The following MPPED2 variants were observed in gnomAD, a reference collection of about 807,000 sequenced individuals.
MPPED2 encodes the protein metallophosphoesterase domain containing 2, also known as metallophosphoesterase MPPED2.
MPPED2 carries 5 observed loss-of-function variants against 33.0 expected under a neutral mutation model. The observed-to-expected ratio is 0.15, with a 90% CI of 0.08 to 0.32. The LOEUF is 0.32. MPPED2 is among the 10% of genes least tolerant of loss of function. MPPED2 has a pLI of 1.00. For missense variants in MPPED2, 275 were observed against 372.1 expected, an observed-to-expected ratio of 0.74 and a Z score of 2.15; for synonymous variants, 136 against 141.9, an observed-to-expected ratio of 0.96 and a Z score of 0.29.
chr11:30,549,814 T>C (rs1223134527), intron 2 of MPPED2, among the ~76,000 whole-genome samples: 1 of 152,182 alleles, frequency 6.6e-6, no homozygotes, highest in Non-Finnish European at 1.5e-5. Context: ...CGATAAAGGC[T>C]GAAGTGAGTG....
chr11:30,512,076 G>A (rs570863719), intron 3 of MPPED2, among the ~76,000 whole-genome samples: 3 of 152,218 alleles, frequency 2.0e-5, no homozygotes, highest in South Asian at 2.1e-4. Flanking sequence ...GTTGAGATGC[G>A]CCACAACACA....
intron 4 of MPPED2, among the ~76,000 whole-genome samples, chr11:30,482,531 T>C (rs749886469): frequency 1.3e-5 from 2 of 152,226 alleles, no homozygotes; most frequent in Non-Finnish European, 2.9e-5. Flanking sequence ...GCATGATTTC[T>C]ATTTTTGATG....
chr11:30,467,806 A>G (rs1301752337), intron 4 of MPPED2, among the ~76,000 whole-genome samples: 1 of 152,216 alleles, frequency 6.6e-6, no homozygotes, highest in Non-Finnish European at 1.5e-5. Flanking sequence ...TTGCTGGTGC[A>G]GAGTTATTGC....
At chr11:30,388,685 C>T (rs144683160) in exon 7 of MPPED2, 2 of 516,342 alleles carry the variant, frequency 3.9e-6, no homozygotes, top group East Asian at 7.3e-5. Flanking sequence ...CCAGCAGAGC[C>T]CTCCTCCGCA....
At chr11:30,526,586 T>C (rs1224386946) in intron 3 of MPPED2, among the ~76,000 whole-genome samples, 1 of 152,084 alleles carries the variant, frequency 6.6e-6, no homozygotes, top group Non-Finnish European at 1.5e-5. Flanking sequence ...CCTTTGTAAA[T>C]CATAGGAAGA....
At position 30,565,427 on chromosome 11, in the gene MPPED2, A is replaced by C. The variant is rs147768034; in HGVS notation, c.128+14819T>G. Among the ~76,000 whole-genome samples the C allele has an allele frequency of 3.9e-3, 595 of 152,190 alleles. 2 individuals are homozygous for C. Among genetic ancestry groups the C allele is most frequent in the African/African-American group, 0.012 (484 of 41,530 alleles). ...CTGACTCCTCAATTACTAAACCATA[A>C]TTTACCTAAACAATGTCACTGCCAG... On this transcript the variant is annotated intron_variant, in intron 2 of 6. Transcript: ENST00000358117.
intron 3 of MPPED2, among the ~76,000 whole-genome samples, chr11:30,532,371 T>A (rs193190486): frequency 6.6e-6 from 1 of 152,220 alleles, no homozygotes; most frequent in Non-Finnish European, 1.5e-5. Context: ...GTCACTGTTA[T>A]AAGGGAGGCT....
chr11:30,501,678 T>C, intron 3 of MPPED2: 2 of 922,076 alleles, frequency 2.2e-6, no homozygotes. Context: ...CAGAATTTCT[T>C]CTTAGAATCA....
chr11:30,407,800 G>A (rs1351493808), downstream of MPPED2, among the ~76,000 whole-genome samples: 1 of 152,224 alleles, frequency 6.6e-6, no homozygotes, highest in East Asian at 1.9e-4. Context: ...GAGCCCAGAA[G>A]GCGGAGGTTG....
chr11:30,451,839 G>A, intron 4 of MPPED2: 1 of 985,326 alleles, frequency 1.0e-6, no homozygotes, highest in South Asian at 4.7e-5. Flanking sequence ...GCTGCGGTGG[G>A]AAGTCAGCTG....
chr11:30,417,506 T>C lies in MPPED2; in HGVS notation c.652+12A>G, dbSNP rs764338218. 2 of 1,519,524 alleles carry C rather than the reference T, an allele frequency of 1.3e-6. No homozygotes were observed. Among genetic ancestry groups the C allele is most frequent in the Non-Finnish European group, 1.8e-6 (2 of 1,094,428 alleles). 94.1% of individuals were successfully genotyped at this position (1,519,524 alleles called of 1,614,324 possible). On this transcript the variant is annotated intron_variant, in intron 5 of 6. Coordinates refer to ENST00000358117, the MANE Select transcript of MPPED2 (RefSeq NM_001584.3). ...CATCTGGATGACAAAGGACAACCTT[T>C]GCTTCACTTACCTAGAGGAGGTCCA...
intron 4 of MPPED2, among the ~76,000 whole-genome samples, chr11:30,488,325 T>A (rs1315355804): frequency 3.3e-5 from 5 of 152,244 alleles, no homozygotes; most frequent in Non-Finnish European, 7.3e-5. Flanking sequence ...GTTTGCCAAA[T>A]GGCTCTCTCA....
intron 4 of MPPED2, among the ~76,000 whole-genome samples, chr11:30,427,315 T>C (rs1048335284): frequency 1.3e-5 from 2 of 152,250 alleles, no homozygotes; most frequent in African/African-American, 4.8e-5. Flanking sequence ...TTTGATTTCA[T>C]TTACAATGAG....
At chr11:30,510,745 G>A (rs896782786) in intron 3 of MPPED2, among the ~76,000 whole-genome samples, 4 of 152,126 alleles carry the variant, frequency 2.6e-5, no homozygotes, top group Admixed American at 6.6e-5. Flanking sequence ...ACTTTGGAGC[G>A]TTCTGACCGG....
intron 4 of MPPED2, among the ~76,000 whole-genome samples, chr11:30,442,690 C>T (rs981205069): frequency 1.1e-4 from 17 of 152,132 alleles, no homozygotes; most frequent in African/African-American, 4.1e-4. Flanking sequence ...AACTAGGTAT[C>T]AGTTGGGGCT....
chr11:30,442,339 C>CT (rs1354769937), intron 4 of MPPED2, among the ~76,000 whole-genome samples: 2 of 152,128 alleles, frequency 1.3e-5, no homozygotes, highest in Non-Finnish European at 2.9e-5. Flanking sequence ...AGACATGTCT[C>CT]TAATAGGAAA....
chr11:30,450,940 G>A (rs1950032385), intron 4 of MPPED2, among the ~76,000 whole-genome samples: 1 of 152,258 alleles, frequency 6.6e-6, no homozygotes, highest in South Asian at 2.1e-4. Context: ...TGGCTTCCCA[G>A]TATTATTTAA....
At chr11:30,470,486 T>G (rs1950902202) in intron 4 of MPPED2, among the ~76,000 whole-genome samples, 2 of 152,148 alleles carry the variant, frequency 1.3e-5, no homozygotes, top group African/African-American at 4.8e-5. Context: ...AGTTATGAAG[T>G]TTCTTTTTTA....
intron 5 of MPPED2, among the ~76,000 whole-genome samples, chr11:30,414,889 C>T (rs957391528): frequency 3.3e-5 from 5 of 152,164 alleles, no homozygotes; most frequent in African/African-American, 9.6e-5. Flanking sequence ...TCTCCAGCGA[C>T]AGGCAAAAAT....
Sources: allele counts gnomAD v4.1 joint callset (sites outside exome capture counted in the v4.1 genomes callset), GRCh38; gene constraint gnomAD v4.1.1; transcripts MANE v1.5; gene names NCBI Gene and HGNC (gene_info 2026-07-23, HGNC 2026-07-21).